Variants in PCNX2 observed in about 807,000 individuals in gnomAD.
PCNX2 encodes pecanex-like protein 2.
PCNX2 carries 168 observed loss-of-function variants against 223.8 expected under a neutral mutation model. The observed-to-expected ratio is 0.75, with a 90% CI of 0.66 to 0.85. The LOEUF is 0.85. Among genes scored for constraint, PCNX2 ranks in the 40% least tolerant of loss-of-function variants. PCNX2 has a pLI of 0.00. For synonymous variants in PCNX2, 1,006 were observed against 1,052.6 expected, an observed-to-expected ratio of 0.96 and a Z score of 0.86; for missense variants, 2,507 against 2,675.5, an observed-to-expected ratio of 0.94 and a Z score of 1.39.
At chr1:233,224,909 T>C (rs1351805591) in intron 10 of PCNX2, among the ~76,000 whole-genome samples, 1 of 151,606 alleles carries the variant, frequency 6.6e-6, no homozygotes, top group Non-Finnish European at 1.5e-5. Flanking sequence ...TGAGAACATA[T>C]AGACACAGGG....
At chr1:233,214,332 GAAGT>G (rs972672648) in intron 12 of PCNX2, among the ~76,000 whole-genome samples, 2 of 151,904 alleles carry the variant, frequency 1.3e-5, no homozygotes, top group South Asian at 2.1e-4. Context: ...ATGATTGAGA[GAAGT>G]AAGTTTCCCA....
chr1:233,234,196 T>A (rs866290548), intron 9 of PCNX2, among the ~76,000 whole-genome samples: 1 of 152,248 alleles, frequency 6.6e-6, no homozygotes, highest in Non-Finnish European at 1.5e-5. Context: ...ATTTGTTGGA[T>A]AATGACAAGA....
rs1288402698 is a variant in PCNX2, at chr1:233,139,146, C to T, written c.3659+568G>A. On this transcript the variant is annotated intron_variant, in intron 20 of 33. Transcript: ENST00000258229. The surrounding 1 kb of genome is among the most constrained non-coding windows in gnomAD (Gnocchi z 4.4). ...CAAGGAGATTTCCATGTTGTAAATTCAGAATTAATTTTAATATATGAAACC... is the reference window on the plus strand; with the variant it reads ...CAAGGAGATTTCCATGTTGTAAATTTAGAATTAATTTTAATATATGAAACC... 1.3e-5 allele frequency among the ~76,000 whole-genome samples: 2 copies of T among 152,130 alleles called. No homozygotes were observed.
At position 233,248,251 on chromosome 1, in the gene PCNX2, A is replaced by G. The variant is rs191695858; in HGVS notation, c.2222+2488T>C. 2.1e-3 allele frequency among the ~76,000 whole-genome samples: 312 copies of G among 151,574 alleles called. 1 individual carries two copies. The highest frequency in any genetic ancestry group is 0.017 in the Middle Eastern group (5 of 294). On this transcript the variant is annotated intron_variant, in intron 8 of 33. Transcript: ENST00000258229. ...CCCGGCTTTTATCTACAGAACTCCA[A>G]ACATCCCTCGGAGAGCCAGCCCCTT...
intron 21 of PCNX2, among the ~76,000 whole-genome samples, chr1:233,120,164 C>CA (rs1228898502): frequency 0.11 from 4,648 of 42,200 alleles, 305 homozygotes; most frequent in African/African-American, 0.13. Context: ...GACTCCATTT[C>CA]AAAAAAAAAA....
At position 233,161,960 on chromosome 1, in the gene PCNX2, T is replaced by TATATA. The variant is rs1553303707; in HGVS notation, c.3274-598_3274-597insTATAT. On this transcript the variant is annotated intron_variant, in intron 17 of 33. Transcript: ENST00000258229. ...AAAGAAACCACTTCAAAATTATTTT[T>TATATA]TATATATATATATATTTATATATAC... is the stretch of plus-strand genomic sequence containing the variant. Among the ~76,000 whole-genome samples, 1,418 of 147,530 alleles carry TATATA rather than the reference T, an allele frequency of 9.6e-3. 22 individuals are homozygous for TATATA. Among genetic ancestry groups the TATATA allele is most frequent in the African/African-American group, 0.033 (1,335 of 40,748 alleles).
intron 25 of PCNX2, among the ~76,000 whole-genome samples, chr1:233,039,410 C>T (rs1014284247): frequency 5.3e-5 from 8 of 152,030 alleles, no homozygotes; most frequent in Admixed American, 1.3e-4. Flanking sequence ...TGTCGACAGT[C>T]GGGTAATAGC....
intron 5 of PCNX2, among the ~76,000 whole-genome samples, chr1:233,254,442 T>G (rs1659616591): frequency 2.0e-5 from 3 of 152,240 alleles, no homozygotes; most frequent in African/African-American, 7.2e-5. Flanking sequence ...TTCACATCTC[T>G]TTATCATATC....
chr1:233,315,193 A>G, the PCNX2 span, among the ~76,000 whole-genome samples: 3 of 152,354 alleles, frequency 2.0e-5, no homozygotes, highest in Middle Eastern at 6.8e-3. Flanking sequence ...GCATTCACAT[A>G]TAAGAGAAGA....
Position 233,218,187 on chromosome 1 carries a change from G to T in PCNX2, c.2505-3C>A. 2.4e-6 allele frequency: 2 copies of T among 834,070 alleles called. No individual in the cohort carries two copies. Among genetic ancestry groups the T allele is most frequent in the Non-Finnish European group, 3.4e-6 (2 of 594,394 alleles). The allele number at this position is 834,070 out of a possible 1,614,324, so 51.7% of individuals were successfully genotyped here. A position where few individuals can be genotyped will look rare whatever the true frequency, so the allele number is the denominator to read the frequency against. ...CATTCTCCTTGATGTCTTCAGTTCT[G>T]TGCAAAATATATACATAAAAGCAAA... On this transcript the variant is annotated splice_region_variant and splice_polypyrimidine_tract_variant and intron_variant, in intron 10 of 33. Coordinates refer to ENST00000258229, the MANE Select transcript of PCNX2 (RefSeq NM_014801.4).
At position 232,986,379 on chromosome 1, in the gene PCNX2, G is replaced by A. The variant is rs925209740; in HGVS notation, c.5953C>T (p.Leu1985Phe). ...ELAQRLSGSR[L>F]SLHASATSLH... ...GACGTGGCCGAGGCGTGCAAGGAGA[G>A]CCGGCTGCCCGAGAGCCTCTGGGCC... is the stretch of plus-strand genomic sequence containing the variant. Residue 1985 changes from leucine (L) to phenylalanine (F), a missense_variant, in exon 33 of 34, where the codon CTC becomes TTC. Around this residue, in one of 3 missense-constraint regions of PCNX2, gnomAD observed 1,372 missense variants for 1,509.4 expected, o/e 0.91. Coordinates refer to ENST00000258229, the MANE Select transcript of PCNX2 (RefSeq NM_014801.4). The A allele has an allele frequency of 1.9e-6, 3 of 1,603,444 alleles. No individual in the cohort carries two copies. Among genetic ancestry groups the A allele is most frequent in the Admixed American group, 1.7e-5 (1 of 58,848 alleles).
chr1:233,172,045 G>A (rs1016600710), intron 17 of PCNX2, among the ~76,000 whole-genome samples: 4 of 151,964 alleles, frequency 2.6e-5, no homozygotes, highest in African/African-American at 7.3e-5. Flanking sequence ...ATTCTATTTG[G>A]CTCTCTTTCA....
intron 25 of PCNX2, among the ~76,000 whole-genome samples, chr1:233,040,554 TG>T (rs1671606825): frequency 6.6e-6 from 1 of 152,162 alleles, no homozygotes. Context: ...AACAGCCTCG[TG>T]TTTCTCATTG....
intron 19 of PCNX2, among the ~76,000 whole-genome samples, chr1:233,143,126 T>C (rs1157394116): frequency 6.6e-6 from 1 of 152,208 alleles, no homozygotes; most frequent in Non-Finnish European, 1.5e-5. Flanking sequence ...AAAGGAACTT[T>C]CAAATACAAC....
chr1:233,079,581 G>A (rs1216798859), intron 23 of PCNX2, among the ~76,000 whole-genome samples: 1 of 150,108 alleles, frequency 6.7e-6, no homozygotes, highest in Non-Finnish European at 1.5e-5. Context: ...TTTGATAAAA[G>A]CCATTACTTT....
intron 15 of PCNX2, among the ~76,000 whole-genome samples, chr1:233,182,743 A>G (rs913465290): frequency 2.6e-5 from 4 of 151,946 alleles, no homozygotes; most frequent in Admixed American, 2.6e-4. Flanking sequence ...ATTCCATTCC[A>G]TTCCATTCCC....
At chr1:233,079,759 CCTTT>C (rs1455928458) in intron 23 of PCNX2, among the ~76,000 whole-genome samples, 1 of 152,084 alleles carries the variant, frequency 6.6e-6, no homozygotes, top group Non-Finnish European at 1.5e-5. Flanking sequence ...GCCCAGCCTT[CCTTT>C]GTGTTCGCTG....
chr1:233,145,988 T>G (rs1188569470), intron 19 of PCNX2, among the ~76,000 whole-genome samples: 1 of 152,094 alleles, frequency 6.6e-6, no homozygotes, highest in Non-Finnish European at 1.5e-5. Context: ...ATCCAAAGCT[T>G]TTTGAGCACT....
intron 15 of PCNX2, among the ~76,000 whole-genome samples, chr1:233,193,008 A>G (rs1216016801): frequency 6.8e-6 from 1 of 147,412 alleles, no homozygotes; most frequent in Non-Finnish European, 1.5e-5. Context: ...TATTATATAT[A>G]ATTATATATT....
Sources: gnomAD v4.1 joint callset for allele counts (sites outside exome capture counted in the v4.1 genomes callset) on GRCh38, gnomAD v4.1.1 for gene constraint, gnomAD v4.1.1 regional missense constraint, Gnocchi (gnomAD v3.1) non-coding constraint, MANE v1.5 for transcripts, NCBI Gene and HGNC (gene_info 2026-07-23, HGNC 2026-07-21) for gene names.